Variants in TMEM132D observed in about 807,000 individuals in gnomAD.
The protein encoded by TMEM132D is transmembrane protein 132D.
TMEM132D carries 21 observed loss-of-function variants against 62.3 expected under a neutral mutation model. The ratio of observed to expected loss-of-function variants is 0.34; its 90% CI spans 0.24 to 0.49. The LOEUF is 0.49. TMEM132D is among the 20% of genes least tolerant of loss of function. The pLI is 0.99. For synonymous variants in TMEM132D, 621 were observed against 575.6 expected (o/e 1.08, Z -1.13); for missense variants, 1,346 against 1,402.8 (o/e 0.96, Z 0.65).
chr12:129,233,756 A>G (rs2135580089), intron 4 of TMEM132D, among the ~76,000 whole-genome samples: 1 of 152,240 alleles, frequency 6.6e-6, no homozygotes, highest in East Asian at 1.9e-4. Context: ...CCTCCTGAGT[A>G]GCTGGGACTA....
intron 3 of TMEM132D, among the ~76,000 whole-genome samples, chr12:129,439,213 A>T (rs577032069): frequency 4.6e-4 from 70 of 152,380 alleles, no homozygotes; most frequent in Admixed American, 2.2e-3. Flanking sequence ...AAATGCTCAT[A>T]TCTGGTAACA....
chr12:129,224,338 CT>C (rs1566002974), intron 4 of TMEM132D, among the ~76,000 whole-genome samples: 1 of 152,204 alleles, frequency 6.6e-6, no homozygotes, highest in Non-Finnish European at 1.5e-5. Flanking sequence ...TTCTCTAGAC[CT>C]GCTGCATAGA....
chr12:129,700,725 C>A (rs561105662), intron 1 of TMEM132D, 27 bp from the exon 2 acceptor site: 1 of 1,572,144 alleles, frequency 6.4e-7, no homozygotes, highest in Admixed American at 1.8e-5. Context: ...GCAGTGCAGG[C>A]GTTAGTAATG....
chr12:129,610,559 G>T lies in TMEM132D; in HGVS notation c.969-79354C>A, dbSNP rs532613530. The stretch of plus-strand genomic sequence containing the variant: ...TTTTCTAGAAGTCTGGCTCATTCTC[G>T]TGGGGTTGGGTTTCTGTTGAAGGTA... On this transcript the variant is annotated intron_variant, in intron 2 of 8. Coordinates refer to ENST00000422113, the MANE Select transcript of TMEM132D (RefSeq NM_133448.3). Among the ~76,000 whole-genome samples, 5 of 152,118 alleles carry T rather than the reference G, an allele frequency of 3.3e-5. No individual in the cohort carries two copies. The East Asian group carries it at 5.8e-4, about 18-fold the overall frequency.
Position 129,292,008 on chromosome 12 carries a change from G to A in TMEM132D, c.1299+45626C>T, listed in dbSNP as rs1881462101. ...TGGGGCAGGAAGCCTTTTCATATGA[G>A]TCCACAGCCCCCACCACCATGGAAG... On this transcript the variant is annotated intron_variant, in intron 4 of 8. Transcript: ENST00000422113. Among the ~76,000 whole-genome samples, 3 of 152,204 alleles carry A rather than the reference G, an allele frequency of 2.0e-5. No homozygotes were observed. In the South Asian group the frequency reaches 6.2e-4, roughly 32 times the overall value.
chr12:129,113,475 G>A lies in TMEM132D; in HGVS notation c.1444-28773C>T, dbSNP rs113375066. On this transcript the variant is annotated intron_variant, in intron 5 of 8. Coordinates refer to ENST00000422113, the MANE Select transcript of TMEM132D (RefSeq NM_133448.3). ...CATCTGGGCTCTGGAGATACAGGAG[G>A]AAACAAAATGGAAACAAAAATATCT... 7.9e-5 allele frequency among the ~76,000 whole-genome samples: 12 copies of A among 152,240 alleles called. 2 individuals carry two copies. The highest frequency in any genetic ancestry group is 2.2e-4 in the African/African-American group (9 of 41,540).
intron 3 of TMEM132D, among the ~76,000 whole-genome samples, chr12:129,463,413 C>G (rs1353632546): frequency 6.6e-6 from 1 of 151,622 alleles, no homozygotes; most frequent in Non-Finnish European, 1.5e-5. Context: ...CAACCCAAAA[C>G]AGCCTGTGTC....
At chr12:129,669,588 G>A (rs264493) in intron 2 of TMEM132D, among the ~76,000 whole-genome samples, 115,399 of 151,948 alleles carry the variant, frequency 0.76, 44,259 homozygotes, top group East Asian at 0.85. Context: ...GCCTGTAGTC[G>A]CAGCTACTCG....
rs1415913023 is a variant in TMEM132D, at chr12:129,328,632, A to AT, written c.1299+9001dup. On this transcript the variant is annotated intron_variant, in intron 4 of 8. Transcript: ENST00000422113. ...AAGGCAGTGGCTTTGTGCATAATAAATAATTCATTTTCAGATGACTTTTTC... is the reference window on the plus strand; with the variant it reads ...AAGGCAGTGGCTTTGTGCATAATAAATTAATTCATTTTCAGATGACTTTTTC... 4.6e-5 allele frequency among the ~76,000 whole-genome samples: 7 copies of AT among 152,366 alleles called. No individual in the cohort carries two copies. The East Asian group carries it at 1.3e-3, about 29-fold the overall frequency.
chr12:129,391,296 G>A (rs998643099), intron 3 of TMEM132D, among the ~76,000 whole-genome samples: 1 of 152,208 alleles, frequency 6.6e-6, no homozygotes, highest in South Asian at 2.1e-4. Context: ...TGCATTAACT[G>A]ATTTGATTCC....
intron 3 of TMEM132D, among the ~76,000 whole-genome samples, chr12:129,492,357 A>T (rs35464924): frequency 0.22 from 33,718 of 152,164 alleles, 3,773 homozygotes; most frequent in Middle Eastern, 0.3. Flanking sequence ...GATTTTCAGT[A>T]CAAAGCAATG....
intron 4 of TMEM132D, among the ~76,000 whole-genome samples, chr12:129,244,708 TC>T (rs1880046510): frequency 6.6e-6 from 1 of 152,200 alleles, no homozygotes; most frequent in African/African-American, 2.4e-5. Flanking sequence ...TGGTGCAATC[TC>T]AGCTTGCTGC....
At position 129,766,983 on chromosome 12, in the gene TMEM132D, T is replaced by A. The variant is rs541334412; in HGVS notation, c.80-66285A>T. Among the ~76,000 whole-genome samples, 70 of 152,250 alleles carry A rather than the reference T, an allele frequency of 4.6e-4. No individual in the cohort carries two copies. In the South Asian group the frequency reaches 0.012, roughly 27 times the overall value. On this transcript the variant is annotated intron_variant, in intron 1 of 8. Coordinates refer to ENST00000422113, the MANE Select transcript of TMEM132D (RefSeq NM_133448.3). ...TAACTAGCATATCATTGAAAGTGGG[T>A]ATAAATATGACTGCACAGCCGCCCC... is the stretch of plus-strand genomic sequence containing the variant.
intron 2 of TMEM132D, among the ~76,000 whole-genome samples, chr12:129,631,233 G>T (rs931123617): frequency 6.6e-6 from 1 of 152,140 alleles, no homozygotes; most frequent in Non-Finnish European, 1.5e-5. Flanking sequence ...GCGCTACTGC[G>T]TCTTTCTCTT....
intron 2 of TMEM132D, among the ~76,000 whole-genome samples, chr12:129,552,624 A>G (rs1015383047): frequency 5.4e-5 from 6 of 111,878 alleles, no homozygotes; most frequent in African/African-American, 2.4e-4. Context: ...TCTATTATTT[A>G]TCTGTCATCT....
intron 3 of TMEM132D, among the ~76,000 whole-genome samples, chr12:129,457,748 G>A (rs1873522823): frequency 6.6e-6 from 1 of 151,946 alleles, no homozygotes; most frequent in Non-Finnish European, 1.5e-5. Flanking sequence ...GAAAGAGAGT[G>A]AAGAGGGAGG....
intron 4 of TMEM132D, among the ~76,000 whole-genome samples, chr12:129,289,152 G>A (rs1331577858): frequency 9.9e-5 from 15 of 152,242 alleles, no homozygotes; most frequent in Admixed American, 3.3e-4. Flanking sequence ...TTTAAGTTAC[G>A]TAAAGTGAAT....
intron 3 of TMEM132D, among the ~76,000 whole-genome samples, chr12:129,443,876 C>A (rs554665799): frequency 8.3e-4 from 126 of 152,208 alleles, no homozygotes; most frequent in Non-Finnish European, 1.5e-3. Context: ...CAAATGACTG[C>A]GGTCATCAAA....
chr12:129,519,958 A>G (rs986834935), intron 3 of TMEM132D, among the ~76,000 whole-genome samples: 2 of 152,270 alleles, frequency 1.3e-5, no homozygotes, highest in South Asian at 2.1e-4. Context: ...AGAAAACATA[A>G]ATTTCCCATA....
Sources: gnomAD v4.1 joint callset for allele counts (sites outside exome capture counted in the v4.1 genomes callset) on GRCh38, gnomAD v4.1.1 for gene constraint, MANE v1.5 for transcripts, NCBI Gene and HGNC (gene_info 2026-07-23, HGNC 2026-07-21) for gene names.